ELP4: variants seen among roughly 807,000 people sequenced by gnomAD.
ELP4 encodes the protein elongator acetyltransferase complex subunit 4.
ELP4 carries 51 observed loss-of-function variants against 48.9 expected under a neutral mutation model. The ratio of observed to expected loss-of-function variants is 1.04; its 90% CI spans 0.83 to 1.32. The LOEUF (loss-of-function observed/expected upper bound fraction) is 1.32, where lower values mean the gene tolerates loss of function less well. ELP4 is among the 40% of genes most tolerant of loss of function. The pLI, the probability that ELP4 is intolerant of heterozygous loss-of-function variation, is 0.00. For missense variants in ELP4, 519 were observed against 514.6 expected (o/e 1.01, Z -0.08); for synonymous variants, 210 against 189.2 (o/e 1.11, Z -0.90).
rs376061277 is a variant in ELP4, at chr11:31,650,142, G to A, written c.1064G>A (p.Arg355Gln). The change falls in exon 9 of 10, where the codon CGG (arginine) becomes CAG (glutamine). Residue 355 changes from arginine (R) to glutamine (Q), a missense_variant. Arg to Gln is a conservative substitution (Grantham distance 43, BLOSUM62 1). Transcript: ENST00000640961. ...HGLIHIRQIP[R>Q]LNNLICDESD... ...TTGATTCATATACGGCAGATTCCTC[G>A]GCTTAATAACTTGATCTGTGATGAA... 66 of 1,523,500 alleles carry A rather than the reference G, an allele frequency of 4.3e-5. No homozygotes were observed. Among genetic ancestry groups the A allele is most frequent in the African/African-American group, 5.5e-5 (4 of 72,352 alleles). The allele number at this position is 1,523,500 out of a possible 1,614,324, so 94.4% of individuals were successfully genotyped here.
At chr11:31,535,584 G>T (rs1472035422) in intron 2 of ELP4, among the ~76,000 whole-genome samples, 2 of 152,116 alleles carry the variant, frequency 1.3e-5, no homozygotes, top group African/African-American at 4.8e-5. Context: ...GCCTCAAAGT[G>T]ACCCTGCCAT....
intron 5 of ELP4, 45 bp from the exon 6 acceptor site, chr11:31,627,065 T>G (rs1290780783): frequency 9.4e-7 from 1 of 1,059,776 alleles, no homozygotes; most frequent in Non-Finnish European, 1.5e-6. Flanking sequence ...GTACTTCTTA[T>G]GTAATAACCC....
intron 3 of ELP4, among the ~76,000 whole-genome samples, chr11:31,574,000 A>G (rs192205449): frequency 5.8e-4 from 89 of 152,384 alleles, no homozygotes; most frequent in Non-Finnish European, 1.2e-3. Context: ...GTTATGGATG[A>G]AAAGATGGCT....
intron 5 of ELP4, among the ~76,000 whole-genome samples, chr11:31,625,343 A>G (rs1944718800): frequency 6.6e-6 from 1 of 151,750 alleles, no homozygotes; most frequent in African/African-American, 2.4e-5. Flanking sequence ...TATGTTGAAA[A>G]CATATTTACA....
intron 9 of ELP4, among the ~76,000 whole-genome samples, chr11:31,737,384 A>G (rs891502579): frequency 3.9e-5 from 6 of 152,042 alleles, no homozygotes; most frequent in South Asian, 2.1e-4. Flanking sequence ...CAAGTTAATG[A>G]GTGCAGCACA....
At chr11:31,562,542 A>G (rs1324112969) in intron 3 of ELP4, among the ~76,000 whole-genome samples, 1 of 152,194 alleles carries the variant, frequency 6.6e-6, no homozygotes, top group Non-Finnish European at 1.5e-5. Flanking sequence ...TGATTGCCAA[A>G]TAACAAGCAT....
At chr11:31,649,198 C>T (rs764280790) in intron 8 of ELP4, 27 of 151,480 alleles carry the variant, frequency 1.8e-4, no homozygotes, top group Non-Finnish European at 3.4e-4. Context: ...AGCATTTAAA[C>T]ACACATACAA....
chr11:31,761,305 TC>T (rs1334481430), intron 9 of ELP4, among the ~76,000 whole-genome samples: 1 of 148,346 alleles, frequency 6.7e-6, no homozygotes, highest in African/African-American at 2.5e-5. Context: ...ACGACTACAC[TC>T]CAGCCTGAGC....
chr11:31,603,969 A>G, intron 5 of ELP4, 62 bp downstream of exon 5: 2 of 1,443,240 alleles, frequency 1.4e-6, no homozygotes, highest in Non-Finnish European at 1.9e-6. Context: ...ATGCACTTTT[A>G]CCACATTTTT....
chr11:31,719,079 T>C (rs1477742626), intron 9 of ELP4, among the ~76,000 whole-genome samples: 2 of 151,956 alleles, frequency 1.3e-5, no homozygotes, highest in African/African-American at 4.8e-5. Context: ...GGCAACATAT[T>C]GGGACCTCGT....
chr11:31,590,454 A>G (rs976165426), intron 3 of ELP4, among the ~76,000 whole-genome samples: 1 of 152,238 alleles, frequency 6.6e-6, no homozygotes, highest in Non-Finnish European at 1.5e-5. Flanking sequence ...AAGAATTAAA[A>G]TCCTTAGAAG....
At chr11:31,620,655 G>A (rs1164138307) in intron 5 of ELP4, among the ~76,000 whole-genome samples, 1 of 151,972 alleles carries the variant, frequency 6.6e-6, no homozygotes, top group East Asian at 1.9e-4. Flanking sequence ...GTGAAGGGTA[G>A]TAGGAGACAT....
At chr11:31,538,257 A>T (rs1028889169) in intron 2 of ELP4, among the ~76,000 whole-genome samples, 4 of 148,942 alleles carry the variant, frequency 2.7e-5, no homozygotes, top group African/African-American at 7.3e-5. Context: ...ATATATTACT[A>T]TATAAAATAT....
At chr11:31,513,897 A>G (rs1051023675) in intron 1 of ELP4, among the ~76,000 whole-genome samples, 1 of 152,212 alleles carries the variant, frequency 6.6e-6, no homozygotes, top group Non-Finnish European at 1.5e-5. Flanking sequence ...GTTTTAAGAA[A>G]AAATGCCTAT....
At position 31,682,910 on chromosome 11, in the gene ELP4, C is replaced by T. The variant is rs908031094; in HGVS notation, c.1143+32689C>T. Reference sequence around the variant, plus strand: ...CTATTTATATTATTACTTATTTTGACACCTTGCCCATTTGACGGTAAGTTT... The same window carrying T: ...CTATTTATATTATTACTTATTTTGATACCTTGCCCATTTGACGGTAAGTTT... On this transcript the variant is annotated intron_variant, in intron 9 of 9. Coordinates refer to ENST00000640961, the MANE Select transcript of ELP4 (RefSeq NM_019040.5). Among the ~76,000 whole-genome samples, 14 of 152,224 alleles carry T rather than the reference C, an allele frequency of 9.2e-5. No homozygotes were observed. In the East Asian group the frequency reaches 2.7e-3, roughly 29 times the overall value.
chr11:31,668,677 T>C lies in ELP4; in HGVS notation c.1143+18456T>C, dbSNP rs1592207216. On this transcript the variant is annotated intron_variant, in intron 9 of 9. Coordinates refer to ENST00000640961, the MANE Select transcript of ELP4 (RefSeq NM_019040.5). ...CGGAATGAAATTTCCTTTGGTACCG[T>C]GTGTGTGTGTGTGTGTGTGTGTGTG... Among the ~76,000 whole-genome samples, 4 of 80,112 alleles carry C rather than the reference T, an allele frequency of 5.0e-5. No individual in the cohort carries two copies. In the East Asian group the frequency reaches 8.6e-4, roughly 17 times the overall value. 52.6% of individuals were successfully genotyped at this position (80,112 alleles called of 152,430 possible).
At chr11:31,722,532 G>C (rs1946985992) in intron 9 of ELP4, among the ~76,000 whole-genome samples, 1 of 152,190 alleles carries the variant, frequency 6.6e-6, no homozygotes, top group African/African-American at 2.4e-5. Flanking sequence ...AGTAAGCCTT[G>C]CAGACAGAAT....
intron 9 of ELP4, among the ~76,000 whole-genome samples, chr11:31,696,524 T>C (rs865836625): frequency 4.8e-4 from 73 of 152,306 alleles, no homozygotes; most frequent in African/African-American, 1.6e-3. Flanking sequence ...TGCACTGTGG[T>C]CTGAGAGACA....
intron 9 of ELP4, chr11:31,651,667 C>T (rs748025448): frequency 2.0e-5 from 3 of 151,340 alleles, no homozygotes; most frequent in African/African-American, 4.9e-5. Flanking sequence ...GCATGATTAT[C>T]GTTTTCTTTT....
Sources: gnomAD v4.1 joint callset for allele counts (sites outside exome capture counted in the v4.1 genomes callset) on GRCh38, gnomAD v4.1.1 for gene constraint, MANE v1.5 for transcripts, NCBI Gene and HGNC (gene_info 2026-07-23, HGNC 2026-07-21) for gene names.